Variants in MED12L observed in about 807,000 individuals in gnomAD.
MED12L encodes the protein mediator of RNA polymerase II transcription subunit 12-like protein.
A neutral mutation model predicts 281.3 loss-of-function variants in MED12L; 60 were observed. The ratio of observed to expected loss-of-function variants is 0.21; its 90% confidence interval spans 0.17 to 0.26. The LOEUF is 0.26. MED12L is among the 10% of genes least tolerant of loss of function. MED12L has a pLI of 1.00. For synonymous variants in MED12L, 974 were observed against 987.2 expected (o/e 0.99, Z 0.25); for missense variants, 2,146 against 2,680.9 (o/e 0.80, Z 4.41).
chr3:151,245,590 C>T (rs1219020410), intron 16 of MED12L, among the ~76,000 whole-genome samples: 1 of 150,548 alleles, frequency 6.6e-6, no homozygotes, highest in Admixed American at 6.6e-5. Flanking sequence ...TGAAAACTCT[C>T]AATAAATTAG....
chr3:151,118,479 C>T (rs944514285), intron 3 of MED12L, among the ~76,000 whole-genome samples: 19 of 152,060 alleles, frequency 1.2e-4, no homozygotes, highest in African/African-American at 3.6e-4. Flanking sequence ...CAATTTTTTA[C>T]GTTACAACCG....
At chr3:151,267,979 C>A (rs910771229) in intron 16 of MED12L, among the ~76,000 whole-genome samples, 5 of 152,100 alleles carry the variant, frequency 3.3e-5, no homozygotes, top group Non-Finnish European at 5.9e-5. Context: ...CTCCAAATGC[C>A]AGTAAAATGG....
intron 16 of MED12L, among the ~76,000 whole-genome samples, chr3:151,227,638 C>G (rs1184561241): frequency 6.6e-6 from 1 of 152,154 alleles, no homozygotes; most frequent in African/African-American, 2.4e-5. Context: ...GCATAGGCAC[C>G]TCATGACCTC....
intron 16 of MED12L, among the ~76,000 whole-genome samples, chr3:151,279,314 T>C (rs80334716): frequency 0.013 from 2,010 of 152,374 alleles, 14 homozygotes; most frequent in Non-Finnish European, 0.022. Context: ...GTTATAATAA[T>C]TATAACTGGC....
In MED12L at chr3:151,122,896, T is replaced by A; in HGVS notation, c.318T>A (p.Thr106=). Residue 106 remains threonine, a synonymous_variant, in exon 4 of 45, where the codon ACT becomes ACA. Transcript: ENST00000687756. The part of the protein sequence containing the change: ...VNAKDNYWLV[T]ARSQSAIHSW... ...CTAAAGATAATTATTGGCTGGTTAC[T>A]GCTCGATCCCAGAGTGCAATTCATA... 6.2e-7 allele frequency: 1 copy of A among 1,613,234 alleles called. No homozygotes were observed. Among genetic ancestry groups the A allele is most frequent in the Non-Finnish European group, 8.5e-7 (1 of 1,179,598 alleles).
chr3:151,164,761 C>T (rs1301894910), intron 9 of MED12L, among the ~76,000 whole-genome samples: 2 of 151,670 alleles, frequency 1.3e-5, no homozygotes, highest in Non-Finnish European at 2.9e-5. Flanking sequence ...AAAAAAAAAC[C>T]AAACACCGCA....
chr3:151,180,411 C>T (rs573306749), intron 11 of MED12L, among the ~76,000 whole-genome samples: 3 of 152,258 alleles, frequency 2.0e-5, no homozygotes, highest in African/African-American at 7.2e-5. Context: ...GATTACTTGT[C>T]TTTTAGACGT....
chr3:151,366,011 T>C lies in MED12L; in HGVS notation c.3327+20T>C. 1 of 1,532,330 alleles carries C rather than the reference T, an allele frequency of 6.5e-7. No individual in the cohort carries two copies. The highest frequency in any genetic ancestry group is 2.1e-5 in the Admixed American group (1 of 47,362). The allele number at this position is 1,532,330 out of a possible 1,614,324, so 94.9% of individuals were successfully genotyped here. A position where few individuals can be genotyped will look rare whatever the true frequency, so the allele number is the denominator to read the frequency against. ...GTAGATGTAAGTTTTCTTTTTCATT[T>C]AAAAATTGAACTGTGCAATTAAATA... On this transcript the variant is annotated intron_variant, in intron 23 of 44. Transcript: ENST00000687756.
chr3:151,266,714 C>CT (rs1472236339), intron 16 of MED12L, among the ~76,000 whole-genome samples: 1 of 152,146 alleles, frequency 6.6e-6, no homozygotes, highest in Non-Finnish European at 1.5e-5. Context: ...AGCTTTGGGA[C>CT]TTGGTGGCTT....
At chr3:151,126,912 A>C (rs1197158381) in intron 4 of MED12L, among the ~76,000 whole-genome samples, 1 of 152,198 alleles carries the variant, frequency 6.6e-6, no homozygotes. Flanking sequence ...TTAGCCAAAC[A>C]GGTTTCATTC....
intron 16 of MED12L, chr3:151,201,040 G>A (rs1038144609): frequency 1.2e-4 from 19 of 152,232 alleles, no homozygotes; most frequent in African/African-American, 4.6e-4. Flanking sequence ...AAATGATAAT[G>A]ATTATTATTA....
chr3:151,091,885 C>A (rs1272129567), intron 2 of MED12L, among the ~76,000 whole-genome samples: 1 of 152,190 alleles, frequency 6.6e-6, no homozygotes, highest in African/African-American at 2.4e-5. Context: ...TGTATTTCTT[C>A]CAACTTCATA....
chr3:151,164,286 C>T (rs1720400505), intron 9 of MED12L, among the ~76,000 whole-genome samples: 4 of 152,292 alleles, frequency 2.6e-5, no homozygotes, highest in African/African-American at 9.6e-5. Flanking sequence ...GCCACCCAGA[C>T]TGTAATTATG....
chr3:151,405,627 A>T (rs2108320895), intron 39 of MED12L, among the ~76,000 whole-genome samples: 1 of 152,278 alleles, frequency 6.6e-6, no homozygotes, highest in Admixed American at 6.5e-5. Context: ...ACAAAGTGAG[A>T]TGCTGTCTCA....
chr3:151,403,110 T>C (rs1000063047), intron 39 of MED12L, among the ~76,000 whole-genome samples: 1 of 152,140 alleles, frequency 6.6e-6, no homozygotes, highest in African/African-American at 2.4e-5. Flanking sequence ...GTAATAATTA[T>C]AGTCTTCATT....
Position 151,086,978 on chromosome 3 carries a change from C to G in MED12L, c.52C>G (p.Arg18Gly). The G allele has an allele frequency of 6.2e-7, 1 of 1,610,238 alleles. No individual in the cohort carries two copies. Among genetic ancestry groups the G allele is most frequent in the Non-Finnish European group, 8.5e-7 (1 of 1,178,968 alleles). The change falls in exon 2 of 45, where the codon CGG becomes GGG. Residue 18 changes from arginine (R) to glycine (G), a missense_variant. This residue lies in a region of MED12L where 44 missense variants were observed against 39.7 expected (regional missense o/e 1.11). Transcript: ENST00000687756. Reference sequence around the variant, plus strand: ...TGAGCAGAGACCGCTGAAGCGCCCCCGGCTCGGGCCGCCCGACGTCTACCC... The same window carrying G: ...TGAGCAGAGACCGCTGAAGCGCCCCGGGCTCGGGCCGCCCGACGTCTACCC... ...SYEQRPLKRP[R>G]LGPPDVYPQD... is the part of the protein sequence containing the mutation.
rs112080531 is a variant in MED12L, at chr3:151,310,520, A to G, written c.2251-39539A>G. On this transcript the variant is annotated intron_variant, in intron 16 of 44. Transcript: ENST00000687756. ...TGGGAGAAAGTTATTTCTACTCTAC[A>G]TAATAAGAATGGTGTTCTGTAGGCC... is the stretch of plus-strand genomic sequence containing the variant. Among the ~76,000 whole-genome samples, 1,034 of 152,336 alleles carry G rather than the reference A, an allele frequency of 6.8e-3. 10 individuals are homozygous for G. The highest frequency in any genetic ancestry group is 0.023 in the South Asian group (112 of 4,824).
chr3:151,359,455 T>G (rs1366218772), intron 20 of MED12L, among the ~76,000 whole-genome samples: 1 of 152,142 alleles, frequency 6.6e-6, no homozygotes, highest in African/African-American at 2.4e-5. Context: ...GAAGTCTCCT[T>G]GGTTCCACCT....
At chr3:151,234,015 G>GA (rs1732245318) in intron 16 of MED12L, among the ~76,000 whole-genome samples, 2 of 152,206 alleles carry the variant, frequency 1.3e-5, no homozygotes, top group African/African-American at 4.8e-5. Flanking sequence ...TTTGGAAAGG[G>GA]AATTGGAAAT....
Sources: allele counts gnomAD v4.1 joint callset (sites outside exome capture counted in the v4.1 genomes callset), GRCh38; gene constraint gnomAD v4.1.1; regional missense constraint gnomAD v4.1.1; transcripts MANE v1.5; gene names NCBI Gene and HGNC (gene_info 2026-07-23, HGNC 2026-07-21).